Variants in RP1L1 observed in about 807,000 individuals in gnomAD.
RP1L1 encodes RP1 like 1.
In RP1L1, 27 loss-of-function variants were observed where a neutral mutation model predicts 15.7. The ratio of observed to expected loss-of-function variants is 1.72; its 90% confidence interval spans 1.27 to 2.38. RP1L1 has a LOEUF of 2.38. Among genes scored for constraint, RP1L1 ranks in the 30% most tolerant of loss-of-function variants. The pLI, the probability that RP1L1 is intolerant of heterozygous loss-of-function variation, is 0.00. For synonymous variants in RP1L1, 1,813 were observed against 1,276.7 expected, an observed-to-expected ratio of 1.42 and a Z score of -8.96; for missense variants, 4,798 against 3,075.9, an observed-to-expected ratio of 1.56 and a Z score of -13.24.
At chr8:10,613,384 A>G in intron 3 of RP1L1, 38 bp from the exon 4 acceptor site, 1 of 1,598,578 alleles carries the variant, frequency 6.3e-7, no homozygotes, top group Non-Finnish European at 8.5e-7. Flanking sequence ...AGAAGAAAAG[A>G]CTGTGAGCCA....
Position 10,611,876 on chromosome 8 carries a change from G to T in RP1L1, c.2222C>A (p.Thr741Asn), listed in dbSNP as rs1458327185. ...AACAAAATCCGAGTGGACTGCAGGGGTGACAGTGGCACTGCTGGTTCCCAG... is the reference window on the plus strand; with the variant it reads ...AACAAAATCCGAGTGGACTGCAGGGTTGACAGTGGCACTGCTGGTTCCCAG... Reference protein sequence around the residue: ...DLLGTSSATVTPAVHSDFVSG... With the variant: ...DLLGTSSATVNPAVHSDFVSG... The change falls in exon 4 of 4, where the codon ACC becomes AAC. Residue 741 changes from threonine to asparagine, a missense_variant. Thr to Asn is a moderately conservative substitution (Grantham distance 65). Transcript: ENST00000382483. 1.2e-6 allele frequency: 2 copies of T among 1,613,886 alleles called. No individual in the cohort carries two copies. Among genetic ancestry groups the T allele is most frequent in the East Asian group, 2.2e-5 (1 of 44,878 alleles).
Position 10,622,994 on chromosome 8 carries a change from G to A in RP1L1, c.208C>T (p.Gln70Ter). 6.2e-7 allele frequency: 1 copy of A among 1,614,178 alleles called. No homozygotes were observed. The highest frequency in any genetic ancestry group is 8.5e-7 in the Non-Finnish European group (1 of 1,180,040). Residue 70 changes from glutamine (Q) to a stop codon, truncating the protein, a stop_gained, in exon 2 of 4, where the codon CAG (glutamine) becomes TAG (stop). Transcript: ENST00000382483. LOFTEE classifies it high-confidence loss of function. ...TFSALMDELS[Q>*]RVPLSFGVRS... ...ACCCCAAAGGAGAGAGGCACGCGCT[G>A]GGAGAGCTCGTCCATGAGGGCGCTG...
At chr8:10,651,134 T>G (rs1268957688) in intron 1 of RP1L1, among the ~76,000 whole-genome samples, 1 of 152,204 alleles carries the variant, frequency 6.6e-6, no homozygotes, top group African/African-American at 2.4e-5. Context: ...TCTGCCAAGC[T>G]CCACTAAACT....
intron 1 of RP1L1, among the ~76,000 whole-genome samples, chr8:10,639,375 T>A (rs944625546): frequency 3.9e-5 from 6 of 152,088 alleles, no homozygotes; most frequent in African/African-American, 1.4e-4. Context: ...TCTTGCTGAT[T>A]GTTTGAATTT....
At position 10,609,886 on chromosome 8, in the gene RP1L1, G is replaced by T. The variant is rs745543982; in HGVS notation, c.4212C>A (p.Ser1404Arg). ...CCTCTGACAATTCCTGCCCGTGGAC[G>T]CTTCCTTCTTCTGGAAGTCCTTCCT... The part of the protein sequence containing the change: ...LKEEGLPEEG[S>R]VHGQELSEAS... Residue 1404 changes from serine to arginine, a missense_variant, in exon 4 of 4, where the codon AGC becomes AGA. By Grantham distance (110) the Ser-to-Arg change is moderately radical. Transcript: ENST00000382483. 25 of 1,593,932 alleles carry T rather than the reference G, an allele frequency of 1.6e-5. No homozygotes were observed. Among genetic ancestry groups the T allele is most frequent in the Non-Finnish European group, 1.9e-5 (22 of 1,165,718 alleles).
chr8:10,641,908 A>T lies in RP1L1; in HGVS notation c.-20+12990T>A, dbSNP rs183532272. Among the ~76,000 whole-genome samples, 18 of 152,374 alleles carry T rather than the reference A, an allele frequency of 1.2e-4. 1 individual carries two copies. The highest frequency in any genetic ancestry group is 2.4e-4 in the Non-Finnish European group (16 of 68,042). On this transcript the variant is annotated intron_variant, in intron 1 of 3. Coordinates refer to ENST00000382483, the MANE Select transcript of RP1L1 (RefSeq NM_178857.6). ...ACAACATTATAGAAATGGAGAATAG[A>T]TTAACATTTGCCAGGGTTGAGGAGG...
intron 2 of RP1L1, 87 bp downstream of exon 2, chr8:10,622,506 A>T: frequency 6.3e-7 from 1 of 1,576,474 alleles, no homozygotes; most frequent in Non-Finnish European, 8.7e-7. Context: ...GCCTCTTTTT[A>T]AGGAATAATC....
Position 10,611,633 on chromosome 8 carries a change from C to A in RP1L1, c.2465G>T (p.Arg822Leu). 1 of 1,612,730 alleles carries A rather than the reference C, an allele frequency of 6.2e-7. No homozygotes were observed. Among genetic ancestry groups the A allele is most frequent in the Admixed American group, 1.7e-5 (1 of 60,010 alleles). The change falls in exon 4 of 4, where the codon CGA (arginine) becomes CTA (leucine). Residue 822 changes from arginine (R) to leucine (L), a missense_variant. Transcript: ENST00000382483. Reference sequence around the variant, plus strand: ...CCCAGGCTGTGAGCAGCAGTGGCTTCGGTGGGGGCCCACCGCCCCTTGCTC... The same window carrying A: ...CCCAGGCTGTGAGCAGCAGTGGCTTAGGTGGGGGCCCACCGCCCCTTGCTC... ...RPEQGAVGPH[R>L]SHCCSQPGTQ...
Position 10,606,603 on chromosome 8 carries a change from C to G in RP1L1, c.*292G>C. On this transcript the variant is annotated 3_prime_UTR_variant, in exon 4 of 4. Coordinates refer to ENST00000382483, the MANE Select transcript of RP1L1 (RefSeq NM_178857.6). ...AGCCTTTCCAATCAGTTCCATCTTT[C>G]GGGCTCTGCAGACAAATAAATAGGA... The G allele has an allele frequency of 2.3e-6, 1 of 441,218 alleles. No individual in the cohort carries two copies. Among genetic ancestry groups the G allele is most frequent in the East Asian group, 4.6e-5 (1 of 21,928 alleles). The allele number at this position is 441,218 out of a possible 1,614,324, so 27.3% of individuals were successfully genotyped here.
intron 1 of RP1L1, among the ~76,000 whole-genome samples, chr8:10,631,289 G>T (rs113631678): frequency 0.034 from 4,402 of 130,076 alleles, 235 homozygotes; most frequent in African/African-American, 0.12. Context: ...GCACACACAC[G>T]CACACAAACA....
intron 1 of RP1L1, among the ~76,000 whole-genome samples, chr8:10,647,634 C>G (rs1333240011): frequency 6.6e-6 from 1 of 152,216 alleles, no homozygotes; most frequent in Non-Finnish European, 1.5e-5. Flanking sequence ...CATCATGTCT[C>G]CAACATTTCA....
In RP1L1 at chr8:10,608,719, C is replaced by T. The variant is rs778246563; in HGVS notation, c.5379G>A (p.Glu1793=). The T allele has an allele frequency of 3.7e-6, 6 of 1,614,132 alleles. No individual in the cohort carries two copies. The highest frequency in any genetic ancestry group is 3.3e-5 in the Admixed American group (2 of 60,008). The change falls in exon 4 of 4, where the codon GAG becomes GAA. Residue 1793 remains glutamate, a synonymous_variant. Transcript: ENST00000382483. The part of the protein sequence containing the change: ...AGSELGEAEQ[E]GEGISERGET... ...CTCCCCTTTCACTTATGCCCTCTCC[C>T]TCCTGCTCAGCTTCCCCCAACTCAC...
chr8:10,616,047 G>T (rs1184547265), intron 3 of RP1L1, among the ~76,000 whole-genome samples: 1 of 152,166 alleles, frequency 6.6e-6, no homozygotes, highest in East Asian at 1.9e-4. Flanking sequence ...TGAAACTATA[G>T]GCATGTGCCA....
Position 10,610,747 on chromosome 8 carries a change from G to A in RP1L1, c.3351C>T (p.Ala1117=). The change falls in exon 4 of 4, where the codon GCC becomes GCT. Residue 1117 remains alanine (A), a synonymous_variant. Transcript: ENST00000382483. ...GCAGACTGGCCAGACAAGTAATGAGGGCCCCGGCTGAGCAGCTGAGCCTCC... is the reference window on the plus strand; with the variant it reads ...GCAGACTGGCCAGACAAGTAATGAGAGCCCCGGCTGAGCAGCTGAGCCTCC... ...MARRLSCSAG[A]LITCLASLQL... 2 of 1,613,446 alleles carry A rather than the reference G, an allele frequency of 1.2e-6. No homozygotes were observed.
intron 1 of RP1L1, among the ~76,000 whole-genome samples, chr8:10,638,273 C>A (rs1004587508): frequency 6.6e-6 from 1 of 152,090 alleles, no homozygotes; most frequent in Non-Finnish European, 1.5e-5. Flanking sequence ...TGATTCCCAC[C>A]GAGGTCTGGT....
Position 10,608,004 on chromosome 8 carries a change from C to T in RP1L1, c.6094G>A (p.Glu2032Lys). Residue 2032 changes from glutamate (E) to lysine (K), a missense_variant, in exon 4 of 4, where the codon GAA (glutamate) becomes AAA (lysine). Physicochemically the swap from Glu to Lys is moderately conservative, Grantham distance 56. Coordinates refer to ENST00000382483, the MANE Select transcript of RP1L1 (RefSeq NM_178857.6). The part of the protein sequence containing the change: ...GVEAQPKSEG[E>K]EAQEVEGETQ... ...TCCCCTTCAACCTCCTGGGCCTCTT[C>T]ACCTTCTGACTTTGGCTGGGCCTCT... is the stretch of plus-strand genomic sequence containing the variant. 3 of 1,612,832 alleles carry T rather than the reference C, an allele frequency of 1.9e-6. No individual in the cohort carries two copies. The highest frequency in any genetic ancestry group is 2.7e-5 in the African/African-American group (2 of 74,606).
intron 2 of RP1L1, among the ~76,000 whole-genome samples, chr8:10,617,739 G>A (rs1369436646): frequency 6.6e-6 from 1 of 151,850 alleles, no homozygotes; most frequent in African/African-American, 2.4e-5. Context: ...TGTATTTTTA[G>A]TAGAGACAGG....
At chr8:10,627,581 C>T (rs1798177930) in intron 1 of RP1L1, among the ~76,000 whole-genome samples, 3 of 151,114 alleles carry the variant, frequency 2.0e-5, no homozygotes, top group South Asian at 2.1e-4. Context: ...CGGCACAGGA[C>T]TGTACACTTA....
In RP1L1 at chr8:10,609,724, G is replaced by T. The variant is rs565406923; in HGVS notation, c.4374C>A (p.Ser1458Arg). 2 of 1,613,178 alleles carry T rather than the reference G, an allele frequency of 1.2e-6. No homozygotes were observed. Among genetic ancestry groups the T allele is most frequent in the Admixed American group, 1.7e-5 (1 of 60,000 alleles). Reference protein sequence around the residue: ...EEPTEPPSHLSETDPSASERQ... With the variant: ...EEPTEPPSHLRETDPSASERQ... ...TCTCGCTGGCACTTGGGTCCGTCTCGCTGAGATGACTAGGGGGCTCTGTGG... is the reference window on the plus strand; with the variant it reads ...TCTCGCTGGCACTTGGGTCCGTCTCTCTGAGATGACTAGGGGGCTCTGTGG... The change falls in exon 4 of 4, where the codon AGC becomes AGA. Residue 1458 changes from serine (S) to arginine (R), a missense_variant. Transcript: ENST00000382483.
Sources: allele counts gnomAD v4.1 joint callset (sites outside exome capture counted in the v4.1 genomes callset), GRCh38; gene constraint gnomAD v4.1.1; transcripts MANE v1.5; gene names NCBI Gene and HGNC (gene_info 2026-07-23, HGNC 2026-07-21).